The following RBMS3 variants were observed in gnomAD, a reference collection of about 807,000 sequenced individuals.
RBMS3 encodes the protein RNA binding motif single stranded interacting protein 3, also known as RNA-binding motif, single-stranded-interacting protein 3.
A neutral mutation model predicts 66.8 loss-of-function variants in RBMS3; 27 were observed. That is an observed-to-expected ratio of 0.40 (90% CI 0.30 to 0.56). RBMS3 has a LOEUF of 0.56. Among genes scored for constraint, RBMS3 ranks in the 20% least tolerant of loss-of-function variants. The pLI is 0.40. For synonymous variants in RBMS3, 188 were observed against 183.0 expected, an observed-to-expected ratio of 1.03 and a Z score of -0.22; for missense variants, 513 against 549.5, an observed-to-expected ratio of 0.93 and a Z score of 0.66.
At chr3:29,938,260 G>A (rs1474629955) in intron 11 of RBMS3, among the ~76,000 whole-genome samples, 1 of 151,836 alleles carries the variant, frequency 6.6e-6, no homozygotes, top group African/African-American at 2.4e-5. Flanking sequence ...CATTTGTAAG[G>A]GACCATGACT....
chr3:29,345,128 T>C (rs185946900), intron 1 of RBMS3, among the ~76,000 whole-genome samples: 1 of 152,366 alleles, frequency 6.6e-6, no homozygotes, highest in Admixed American at 6.5e-5. Flanking sequence ...TTGTTAGTTA[T>C]GGTGGAAGTG....
chr3:29,966,447 A>G (rs1181319797), intron 12 of RBMS3, among the ~76,000 whole-genome samples: 2 of 152,032 alleles, frequency 1.3e-5, no homozygotes, highest in Admixed American at 6.5e-5. Context: ...GTATATTCCT[A>G]AGTATTTTTT....
At chr3:29,473,453 C>T (rs2042820768) in intron 2 of RBMS3, among the ~76,000 whole-genome samples, 1 of 152,240 alleles carries the variant, frequency 6.6e-6, no homozygotes, top group South Asian at 2.1e-4. Context: ...CCAGTGGATC[C>T]CGCACGGAGG....
intron 1 of RBMS3, among the ~76,000 whole-genome samples, chr3:29,330,805 A>G (rs1300079243): frequency 6.6e-6 from 1 of 152,172 alleles, no homozygotes; most frequent in African/African-American, 2.4e-5. Flanking sequence ...GTCCTAAGGC[A>G]TTCTGCAAAG....
In RBMS3 at chr3:30,006,319, T is replaced by C. The variant is rs752887190; in HGVS notation, c.*2457T>C. On this transcript the variant is annotated 3_prime_UTR_variant, in exon 15 of 15. Transcript: ENST00000383767. ...AATATTCTACTATTTCTGTAAACTC[T>C]GGTTCTCTTATTTGCAACCCCATGC... 6.6e-6 allele frequency: 1 copy of C among 151,926 alleles called. No homozygotes were observed. Among genetic ancestry groups the C allele is most frequent in the Admixed American group, 6.6e-5 (1 of 15,230 alleles). The allele number at this position is 151,926 out of a possible 1,614,324, so 9.4% of individuals were successfully genotyped here.
At chr3:29,734,388 G>T (rs1559617818) in intron 4 of RBMS3, among the ~76,000 whole-genome samples, 2 of 151,996 alleles carry the variant, frequency 1.3e-5, no homozygotes, top group Non-Finnish European at 2.9e-5. Flanking sequence ...TAAATACCTA[G>T]AAGAAAGGAG....
At chr3:29,895,562 G>A (rs1039336461) in intron 8 of RBMS3, among the ~76,000 whole-genome samples, 1 of 151,414 alleles carries the variant, frequency 6.6e-6, no homozygotes, top group African/African-American at 2.4e-5. Context: ...CATGTTGAAT[G>A]TTTCAGTAGT....
intron 10 of RBMS3, chr3:29,934,012 T>C (rs2061199864): frequency 6.6e-6 from 1 of 152,114 alleles, no homozygotes; most frequent in African/African-American, 2.4e-5. Flanking sequence ...CATCTGCATA[T>C]TGCCTTTAAA....
At chr3:29,327,852 T>C (rs1328647168) in intron 1 of RBMS3, among the ~76,000 whole-genome samples, 2 of 152,202 alleles carry the variant, frequency 1.3e-5, no homozygotes, top group African/African-American at 4.8e-5. Flanking sequence ...TCATCAAGAT[T>C]AACACCAAGG....
intron 12 of RBMS3, among the ~76,000 whole-genome samples, chr3:29,973,323 T>G (rs1697344266): frequency 6.6e-6 from 1 of 152,002 alleles, no homozygotes; most frequent in Non-Finnish European, 1.5e-5. Flanking sequence ...AAGATCCAAT[T>G]TGCAGGAATT....
chr3:29,709,701 G>A (rs73829316), intron 4 of RBMS3, among the ~76,000 whole-genome samples: 12,010 of 152,090 alleles, frequency 0.079, 1,588 homozygotes, highest in African/African-American at 0.27. Context: ...GTTTGTCCCC[G>A]AAGTACATTT....
chr3:29,439,097 C>T (rs1270546808), intron 2 of RBMS3, among the ~76,000 whole-genome samples: 7 of 152,056 alleles, frequency 4.6e-5, no homozygotes, highest in African/African-American at 1.7e-4. Flanking sequence ...GGGGGCATGC[C>T]AAGGACAAAG....
intron 12 of RBMS3, among the ~76,000 whole-genome samples, chr3:29,980,219 C>T (rs74485626): frequency 6.6e-6 from 1 of 152,078 alleles, no homozygotes; most frequent in Non-Finnish European, 1.5e-5. Flanking sequence ...TGTTTGTTGG[C>T]CACACAAATG....
chr3:29,692,804 C>A (rs1004732349), intron 4 of RBMS3, among the ~76,000 whole-genome samples: 3 of 152,100 alleles, frequency 2.0e-5, no homozygotes, highest in Non-Finnish European at 2.9e-5. Flanking sequence ...GGAAACATAA[C>A]CTTAAGCATA....
intron 6 of RBMS3, among the ~76,000 whole-genome samples, chr3:29,802,629 C>T (rs528745532): frequency 6.6e-6 from 1 of 152,240 alleles, no homozygotes; most frequent in East Asian, 1.9e-4. Context: ...CTTATATGCC[C>T]ACTCAATTTG....
At chr3:29,715,594 C>T (rs2053360109) in intron 4 of RBMS3, among the ~76,000 whole-genome samples, 1 of 152,084 alleles carries the variant, frequency 6.6e-6, no homozygotes, top group South Asian at 2.1e-4. Flanking sequence ...AGCGTCTTCC[C>T]TTGGAGAACT....
intron 2 of RBMS3, among the ~76,000 whole-genome samples, chr3:29,471,725 T>G (rs1282220194): frequency 6.6e-6 from 1 of 150,970 alleles, no homozygotes; most frequent in East Asian, 1.9e-4. Context: ...TTAGTTTTTT[T>G]TTTTTTTTTT....
chr3:29,358,453 G>A (rs1022656539), intron 1 of RBMS3, among the ~76,000 whole-genome samples: 6 of 152,136 alleles, frequency 3.9e-5, no homozygotes, highest in African/African-American at 9.7e-5. Context: ...CTGTAACCTC[G>A]TAGTATAGTT....
At chr3:29,927,070 A>G (rs1418484085) in intron 10 of RBMS3, 1 of 152,200 alleles carries the variant, frequency 6.6e-6, no homozygotes, top group Non-Finnish European at 1.5e-5. Context: ...CATGTCGTGA[A>G]CTCCAATGTT....
Sources: allele counts gnomAD v4.1 joint callset (sites outside exome capture counted in the v4.1 genomes callset), GRCh38; gene constraint gnomAD v4.1.1; transcripts MANE v1.5; gene names NCBI Gene and HGNC (gene_info 2026-07-23, HGNC 2026-07-21).